DOK6: variants seen among roughly 807,000 people sequenced by gnomAD.
The protein encoded by DOK6 is downstream of tyrosine kinase 6.
Under a neutral mutation model 44.0 loss-of-function variants are expected in DOK6, and 22 were observed. The ratio of observed to expected loss-of-function variants is 0.50; its 90% CI spans 0.36 to 0.71. The LOEUF is 0.71. Ranked by LOEUF, DOK6 falls within the 30% of genes least tolerant of loss-of-function variation. The probability of loss-of-function intolerance (pLI) is 0.00; values close to 1 mark genes in which losing one functional copy is unlikely to be tolerated. For missense variants in DOK6, 340 were observed against 416.4 expected (o/e 0.82, Z 1.60); for synonymous variants, 166 against 145.5 (o/e 1.14, Z -1.01).
intron 6 of DOK6, among the ~76,000 whole-genome samples, chr18:69,744,067 T>C (rs1001391632): frequency 4.6e-5 from 7 of 152,114 alleles, no homozygotes; most frequent in East Asian, 1.9e-4. Context: ...AGAAAGAACA[T>C]TGGGAGGCCA....
intron 1 of DOK6, among the ~76,000 whole-genome samples, chr18:69,421,251 A>G (rs1020118993): frequency 6.6e-6 from 1 of 152,174 alleles, no homozygotes; most frequent in African/African-American, 2.4e-5. Flanking sequence ...CAAAGACTAC[A>G]TTGTTTTTGT....
intron 7 of DOK6, among the ~76,000 whole-genome samples, chr18:69,825,114 G>A (rs1981701684): frequency 6.6e-6 from 1 of 152,118 alleles, no homozygotes; most frequent in Non-Finnish European, 1.5e-5. Context: ...CCCAGTACAG[G>A]AAGTTTTTTT....
chr18:69,624,002 T>C (rs1210859006), intron 3 of DOK6, among the ~76,000 whole-genome samples: 1 of 152,154 alleles, frequency 6.6e-6, no homozygotes, highest in East Asian at 1.9e-4. Flanking sequence ...GAAACCTTAG[T>C]GAATGGTAAC....
intron 3 of DOK6, among the ~76,000 whole-genome samples, chr18:69,617,737 G>GAAAGAAAAA (rs1984344600): frequency 2.1e-5 from 1 of 48,020 alleles, no homozygotes; most frequent in African/African-American, 5.0e-5. Flanking sequence ...AAAGGGGGAA[G>GAAAGAAAAA]GAGGGAAGGA....
At chr18:69,814,889 A>G (rs1362064741) in intron 7 of DOK6, among the ~76,000 whole-genome samples, 1 of 152,164 alleles carries the variant, frequency 6.6e-6, no homozygotes, top group Non-Finnish European at 1.5e-5. Context: ...GAGCCAAACC[A>G]TATCAGGTGT....
chr18:69,511,779 A>T (rs1981372797), intron 1 of DOK6, among the ~76,000 whole-genome samples: 1 of 152,254 alleles, frequency 6.6e-6, no homozygotes, highest in South Asian at 2.1e-4. Context: ...TGAATACCTT[A>T]CTATCACCAT....
At chr18:69,783,140 TGA>T (rs1431422969) in intron 7 of DOK6, among the ~76,000 whole-genome samples, 5 of 152,340 alleles carry the variant, frequency 3.3e-5, no homozygotes, top group African/African-American at 1.2e-4. Flanking sequence ...CAGGCTTACC[TGA>T]GAGAGCAGAC....
At chr18:69,550,777 C>CTTTTTTTTTTTTTTTTT (rs10538639) in intron 1 of DOK6, among the ~76,000 whole-genome samples, 1 of 121,436 alleles carries the variant, frequency 8.2e-6, no homozygotes, top group African/African-American at 3.0e-5. Flanking sequence ...TTGTTTCTTT[C>CTTTTTTTTTTTTTTTTT]TTTTTTTTTT....
At chr18:69,698,653 AGAGTCCTGAAAGAGAGT>A in intron 5 of DOK6, 60 bp downstream of exon 5, 2 of 1,528,250 alleles carry the variant, frequency 1.3e-6, no homozygotes, top group Admixed American at 2.0e-5. Flanking sequence ...TCTGTATAAC[AGAGTCCTGAAAGAGAGT>A]GCTGTCCATC....
At chr18:69,742,280 G>A (rs1344948309) in intron 6 of DOK6, among the ~76,000 whole-genome samples, 2 of 151,994 alleles carry the variant, frequency 1.3e-5, no homozygotes, top group African/African-American at 4.8e-5. Flanking sequence ...CAGGCATGGT[G>A]GCACATGCCT....
At chr18:69,692,492 GT>G (rs1310544126) in intron 4 of DOK6, among the ~76,000 whole-genome samples, 2 of 152,208 alleles carry the variant, frequency 1.3e-5, no homozygotes, top group East Asian at 3.8e-4. Context: ...AAATACTGGG[GT>G]TTTTATCACG....
chr18:69,486,400 G>A (rs1372771), intron 1 of DOK6, among the ~76,000 whole-genome samples: 117,260 of 152,024 alleles, frequency 0.77, 45,389 homozygotes, highest in African/African-American at 0.79. Context: ...GGACAATTAA[G>A]ACAGTAGTGT....
rs963247832 is a variant in DOK6 at position 69,707,597 on chromosome 18, G to A, written c.599+9004G>A. Among the ~76,000 whole-genome samples, 9 of 152,118 alleles carry A rather than the reference G, an allele frequency of 5.9e-5. 1 individual carries two copies. The South Asian group carries it at 8.3e-4, about 14-fold the overall frequency. On this transcript the variant is annotated intron_variant, in intron 5 of 7. Coordinates refer to ENST00000382713, the MANE Select transcript of DOK6 (RefSeq NM_152721.6). ...TCCTTAAGTGATGAACAAAGTCTCC[G>A]TGGTTTATGCAACTGGAACTGATCT...
intron 7 of DOK6, among the ~76,000 whole-genome samples, chr18:69,764,018 G>A (rs1979641988): frequency 6.6e-6 from 1 of 152,134 alleles, no homozygotes. Context: ...TGAGCCCCAT[G>A]CTCTTGCGCA....
chr18:69,566,423 A>G (rs1162749546), intron 2 of DOK6, among the ~76,000 whole-genome samples: 1 of 152,200 alleles, frequency 6.6e-6, no homozygotes, highest in Non-Finnish European at 1.5e-5. Flanking sequence ...GGCGCGAACC[A>G]CCGCACCCGG....
intron 1 of DOK6, chr18:69,470,241 C>T (rs777931363): frequency 2.0e-5 from 3 of 152,238 alleles, no homozygotes; most frequent in Non-Finnish European, 4.4e-5. Flanking sequence ...GCTAGTCTTC[C>T]AGAAAGCAAG....
chr18:69,555,995 C>A (rs949480448), intron 1 of DOK6, among the ~76,000 whole-genome samples: 1 of 152,190 alleles, frequency 6.6e-6, no homozygotes, highest in Admixed American at 6.5e-5. Context: ...TTTACACATT[C>A]TGCTGAATTA....
At chr18:69,548,945 A>T (rs890803271) in intron 1 of DOK6, among the ~76,000 whole-genome samples, 3 of 151,174 alleles carry the variant, frequency 2.0e-5, no homozygotes, top group Non-Finnish European at 4.4e-5. Context: ...TACAAAAAAA[A>T]TTAGCTGGGC....
intron 3 of DOK6, 67 bp from the exon 4 acceptor site, chr18:69,677,667 G>C: frequency 6.2e-7 from 1 of 1,605,408 alleles, no homozygotes; most frequent in East Asian, 2.3e-5. Context: ...AAACAGTTAA[G>C]GAAATATTCT....
Sources: allele counts gnomAD v4.1 joint callset (sites outside exome capture counted in the v4.1 genomes callset), GRCh38; gene constraint gnomAD v4.1.1; transcripts MANE v1.5; gene names NCBI Gene and HGNC (gene_info 2026-07-23, HGNC 2026-07-21).